The following HTT variants were observed in gnomAD, a reference collection of about 807,000 sequenced individuals.
HTT encodes the protein huntington disease protein.
Under a neutral mutation model 362.3 loss-of-function variants are expected in HTT, and 104 were observed. The ratio of observed to expected loss-of-function variants is 0.29; its 90% CI spans 0.24 to 0.34. HTT has a LOEUF of 0.34. Among genes scored for constraint, HTT ranks in the 10% least tolerant of loss-of-function variants. The pLI is 1.00. For synonymous variants in HTT, 1,577 were observed against 1,548.7 expected (o/e 1.02, Z -0.43); for missense variants, 3,301 against 3,928.6 (o/e 0.84, Z 4.27).
intron 1 of HTT, among the ~76,000 whole-genome samples, chr4:3,078,995 CCCA>C (rs1712733491): frequency 6.6e-6 from 1 of 152,112 alleles, no homozygotes; most frequent in African/African-American, 2.4e-5. Flanking sequence ...TTGTGATCCG[CCCA>C]CCTCGGCCTC....
intron 26 of HTT, among the ~76,000 whole-genome samples, chr4:3,153,480 T>C (rs1289275848): frequency 6.6e-6 from 1 of 152,218 alleles, no homozygotes; most frequent in Non-Finnish European, 1.5e-5. Flanking sequence ...ATGTTCTATA[T>C]GCTCTCATGT....
In HTT at chr4:3,221,355, C is replaced by G. The variant is rs745672025; in HGVS notation, c.7370-1032C>G. The stretch of plus-strand genomic sequence containing the variant: ...GGATCGGTATCAGTGGCCTCCTGCT[C>G]TCTCCCCCTTGCCTAACACGAGCAC... On this transcript the variant is annotated intron_variant, in intron 53 of 66. Transcript: ENST00000355072. 6.6e-5 allele frequency among the ~76,000 whole-genome samples: 10 copies of G among 152,336 alleles called. 1 individual carries two copies. The highest frequency in any genetic ancestry group is 2.2e-4 in the African/African-American group (9 of 41,566).
Position 3,212,692 on chromosome 4 carries a change from G to C in HTT, c.6757G>C (p.Val2253Leu), listed in dbSNP as rs374360323. 2 of 1,614,116 alleles carry C rather than the reference G, an allele frequency of 1.2e-6. No individual in the cohort carries two copies. Among genetic ancestry groups the C allele is most frequent in the African/African-American group, 1.3e-5 (1 of 74,938 alleles). Residue 2253 changes from valine (V) to leucine (L), a missense_variant, in exon 49 of 67, where the codon GTG (valine) becomes CTG (leucine). Val to Leu is a conservative substitution (Grantham distance 32, BLOSUM62 1). This residue lies in a region of HTT where 220 missense variants were observed against 218.5 expected (regional missense o/e 1.01). Coordinates refer to ENST00000355072, the MANE Select transcript of HTT (RefSeq NM_001388492.1). ...PEKEKDIVKF[V>L]VATLEALSWH... ...GAAAGAGAAGGACATTGTGAAATTC[G>C]TGGTGGCAACCCTTGAGGTAAGAGG...
chr4:3,135,832 C>G, intron 19 of HTT, 72 bp from the exon 20 acceptor site: 1 of 1,287,186 alleles, frequency 7.8e-7, no homozygotes, highest in South Asian at 1.4e-5. Flanking sequence ...TGAGCCTGCT[C>G]TGGAGCAAGC....
chr4:3,107,508 C>T, intron 6 of HTT, 85 bp downstream of exon 6: 1 of 1,361,900 alleles, frequency 7.3e-7, no homozygotes, highest in Non-Finnish European at 1.0e-6. Context: ...ACAGGGAGTC[C>T]TGTGGGAGTG....
chr4:3,194,670 T>C (rs1054134724), intron 40 of HTT, among the ~76,000 whole-genome samples: 6 of 152,184 alleles, frequency 3.9e-5, no homozygotes, highest in African/African-American at 9.7e-5. Context: ...GGTGGAGATG[T>C]GCCATGACGC....
Position 3,213,351 on chromosome 4 carries a change from C to T in HTT, c.6775-607C>T, listed in dbSNP as rs550395031. 3.9e-5 allele frequency among the ~76,000 whole-genome samples: 6 copies of T among 152,344 alleles called. No homozygotes were observed. In the East Asian group the frequency reaches 5.8e-4, roughly 15 times the overall value. The stretch of plus-strand genomic sequence containing the variant: ...CTTAGTGGGGAAGTGGGAAAGTCAG[C>T]GTGTGATCACAGCACAGGGTGATTG... On this transcript the variant is annotated intron_variant, in intron 49 of 66. Coordinates refer to ENST00000355072, the MANE Select transcript of HTT (RefSeq NM_001388492.1).
At chr4:3,128,204 AT>A (rs1328313724) in intron 12 of HTT, 1 of 152,220 alleles carries the variant, frequency 6.6e-6, no homozygotes, top group Non-Finnish European at 1.5e-5. Flanking sequence ...AAGTATTGGG[AT>A]TATAGTTGTG....
chr4:3,236,762 CCA>C (rs1345757285), intron 64 of HTT, among the ~76,000 whole-genome samples: 6 of 152,098 alleles, frequency 3.9e-5, no homozygotes, highest in Non-Finnish European at 7.4e-5. Context: ...CTTCTGCCCC[CCA>C]CCACCCCCCA....
intron 40 of HTT, among the ~76,000 whole-genome samples, chr4:3,195,010 C>G (rs1198814653): frequency 6.6e-6 from 1 of 152,202 alleles, no homozygotes; most frequent in Non-Finnish European, 1.5e-5. Context: ...TCTAAAAGAT[C>G]CTGTGCCAAA....
At position 3,238,381 on chromosome 4, in the gene HTT, C is replaced by T. The variant is rs1721642022; in HGVS notation, c.8892-66C>T. 4 of 1,297,332 alleles carry T rather than the reference C, an allele frequency of 3.1e-6. No homozygotes were observed. In the African/African-American group the frequency reaches 4.5e-5, roughly 14 times the overall value. The allele number at this position is 1,297,332 out of a possible 1,614,324, so 80.4% of individuals were successfully genotyped here. ...TTTCCCCAGTATTAGAGCCAAGGCC[C>T]TCCGCGGGCAGGTGGGGCAGCTGTG... On this transcript the variant is annotated intron_variant, in intron 64 of 66. Coordinates refer to ENST00000355072, the MANE Select transcript of HTT (RefSeq NM_001388492.1).
chr4:3,197,883 T>C (rs200790918), intron 40 of HTT, among the ~76,000 whole-genome samples: 2 of 152,172 alleles, frequency 1.3e-5, no homozygotes, highest in East Asian at 3.9e-4. Flanking sequence ...GTGGCCTGGC[T>C]GCATCTTCCT....
At chr4:3,216,247 G>A (rs1232591260) in intron 51 of HTT, among the ~76,000 whole-genome samples, 4 of 152,234 alleles carry the variant, frequency 2.6e-5, no homozygotes, top group East Asian at 1.9e-4. Flanking sequence ...TTAATGCACA[G>A]CCAAGGACTT....
chr4:3,180,841 T>A (rs71597207), intron 36 of HTT, 190 bp downstream of exon 36: 1 of 132,936 alleles, frequency 7.5e-6, no homozygotes. Flanking sequence ...GTGGTGGAGT[T>A]GGGGAGGTGC....
chr4:3,119,428 A>G (rs1478061413), intron 8 of HTT, among the ~76,000 whole-genome samples: 2 of 152,254 alleles, frequency 1.3e-5, no homozygotes, highest in African/African-American at 4.8e-5. Context: ...TTCTCTTTCA[A>G]ATGACATGGA....
intron 37 of HTT, among the ~76,000 whole-genome samples, chr4:3,185,496 C>T (rs1332268537): frequency 6.6e-6 from 1 of 152,192 alleles, no homozygotes; most frequent in African/African-American, 2.4e-5. Flanking sequence ...GAGTTGTTTA[C>T]TATGTATACA....
intron 47 of HTT, among the ~76,000 whole-genome samples, chr4:3,211,093 G>A (rs1029625991): frequency 6.6e-6 from 1 of 150,584 alleles, no homozygotes; most frequent in Admixed American, 6.6e-5. Context: ...TAGTAGAGAC[G>A]GGATTTCACC....
chr4:3,085,891 A>T (rs1037494149), intron 1 of HTT, among the ~76,000 whole-genome samples: 5 of 152,160 alleles, frequency 3.3e-5, no homozygotes, highest in African/African-American at 1.2e-4. Flanking sequence ...CTTTAGCCTG[A>T]TCATCTTCGC....
intron 46 of HTT, 73 bp downstream of exon 46, chr4:3,208,984 A>T: frequency 1.4e-6 from 2 of 1,467,064 alleles, no homozygotes; most frequent in Non-Finnish European, 1.8e-6. Context: ...AGATACAGAG[A>T]GTGCAGAGGA....
Sources: allele counts gnomAD v4.1 joint callset (sites outside exome capture counted in the v4.1 genomes callset), GRCh38; gene constraint gnomAD v4.1.1; regional missense constraint gnomAD v4.1.1; transcripts MANE v1.5; gene names NCBI Gene and HGNC (gene_info 2026-07-23, HGNC 2026-07-21).